MACROD1: variants seen among roughly 807,000 people sequenced by gnomAD.
MACROD1 encodes the protein ADP-ribose glycohydrolase MACROD1.
In MACROD1, 31 loss-of-function variants were observed where a neutral mutation model predicts 41.4. That is an observed-to-expected ratio of 0.75 (90% CI 0.56 to 1.01). MACROD1 has a LOEUF of 1.01. Ranked by LOEUF, MACROD1 falls within the 50% of genes least tolerant of loss-of-function variation. The pLI, the probability that MACROD1 is intolerant of heterozygous loss-of-function variation, is 0.00. For missense variants in MACROD1, 473 were observed against 460.0 expected (o/e 1.03, Z -0.26); for synonymous variants, 252 against 203.4 (o/e 1.24, Z -2.03).
chr11:63,999,075 G>A (rs764933416), intron 8 of MACROD1, 39 bp from the exon 9 acceptor site: 64 of 1,551,862 alleles, frequency 4.1e-5, no homozygotes, highest in Non-Finnish European at 5.3e-5. Context: ...GAGCTGCCAC[G>A]CCTGGCCCCA....
intron 4 of MACROD1, chr11:64,001,581 C>T: frequency 5.7e-6 from 4 of 702,276 alleles, no homozygotes; most frequent in East Asian, 2.7e-5. Context: ...AATTAAACCT[C>T]ATTCTGCAAC....
At chr11:64,019,838 C>T (rs759359241) in intron 3 of MACROD1, among the ~76,000 whole-genome samples, 1 of 151,912 alleles carries the variant, frequency 6.6e-6, no homozygotes, top group Non-Finnish European at 1.5e-5. Context: ...GAAGGCTTCT[C>T]GGAGGAGGTG....
At chr11:64,051,322 G>A (rs543180622) in intron 3 of MACROD1, among the ~76,000 whole-genome samples, 23 of 152,304 alleles carry the variant, frequency 1.5e-4, no homozygotes, top group African/African-American at 2.9e-4. Flanking sequence ...CTGCCTTGAC[G>A]GCCCTCTGGG....
At chr11:64,006,063 G>A (rs772815979) in intron 4 of MACROD1, among the ~76,000 whole-genome samples, 11 of 152,218 alleles carry the variant, frequency 7.2e-5, no homozygotes, top group Non-Finnish European at 1.5e-4. Flanking sequence ...CAAGGCTCCC[G>A]GGGAAATGGG....
At chr11:64,116,878 G>T in intron 3 of MACROD1, 1 of 1,611,758 alleles carries the variant, frequency 6.2e-7, no homozygotes, top group Non-Finnish European at 8.5e-7. Flanking sequence ...GAGGAGCTGC[G>T]GCTGGATGAC....
chr11:64,049,623 G>T (rs1391397444), intron 3 of MACROD1, among the ~76,000 whole-genome samples: 1 of 152,222 alleles, frequency 6.6e-6, no homozygotes, highest in Non-Finnish European at 1.5e-5. Flanking sequence ...CATCCTGATG[G>T]TTCAGGGTTG....
At position 64,056,453 on chromosome 11, in the gene MACROD1, G is replaced by A. The variant is rs540981122; in HGVS notation, c.518-41172C>T. 2.6e-5 allele frequency among the ~76,000 whole-genome samples: 4 copies of A among 152,326 alleles called. No individual in the cohort carries two copies. In the East Asian group the frequency reaches 5.8e-4, roughly 22 times the overall value. On this transcript the variant is annotated intron_variant, in intron 3 of 10. Coordinates refer to ENST00000255681, the MANE Select transcript of MACROD1 (RefSeq NM_014067.4). ...TGAGGGGAGGAGGGTGGGGAGGAAG[G>A]GGGAGCAGCTGCGGGAACAGGAGGC...
chr11:64,078,564 G>A lies in MACROD1; in HGVS notation c.518-63283C>T, dbSNP rs565398703. ...TGTCTGGGTGGGCAGTGGTGTGAGCGCGGCCCTGTGCCCCACAGGGTCCCA... is the reference window on the plus strand; with the variant it reads ...TGTCTGGGTGGGCAGTGGTGTGAGCACGGCCCTGTGCCCCACAGGGTCCCA... On this transcript the variant is annotated intron_variant, in intron 3 of 10. Transcript: ENST00000255681. Among the ~76,000 whole-genome samples, 49 of 152,318 alleles carry A rather than the reference G, an allele frequency of 3.2e-4. 1 individual carries two copies. The highest frequency in any genetic ancestry group is 3.4e-3 in the Middle Eastern group (1 of 294).
intron 3 of MACROD1, among the ~76,000 whole-genome samples, chr11:64,078,389 C>T (rs146099815): frequency 6.6e-5 from 10 of 152,346 alleles, no homozygotes; most frequent in South Asian, 4.1e-4. Context: ...GGGGGCTGAA[C>T]GGCTGCAGAA....
At chr11:64,000,405 C>T (rs1942802941) in intron 4 of MACROD1, 62 bp from the exon 5 acceptor site, 2 of 1,139,192 alleles carry the variant, frequency 1.8e-6, no homozygotes, top group Non-Finnish European at 1.2e-6. Context: ...GGGTGAGCAC[C>T]CTCAGTCCCG....
At chr11:64,023,440 C>T (rs369991722) in intron 3 of MACROD1, among the ~76,000 whole-genome samples, 8 of 152,208 alleles carry the variant, frequency 5.3e-5, no homozygotes, top group South Asian at 4.1e-4. Flanking sequence ...TAAAAATGCC[C>T]GTAAAACCTA....
At position 64,015,253 on chromosome 11, in the gene MACROD1, G is replaced by A. The variant is rs748880790; in HGVS notation, c.546C>T (p.Gly182=). The part of the protein sequence containing the change: ...AANSSLLGGG[G]VDGCIHRAAG... ...CACCAAGACAGAAGGTCCACTCACC[G>A]CCACCGCCTCCGAGCAGGGAGCTGT... is the stretch of plus-strand genomic sequence containing the variant. The change falls in exon 4 of 11, where the codon GGC becomes GGT. Residue 182 remains glycine (G), a splice_region_variant and synonymous_variant. Transcript: ENST00000255681. 1.2e-5 allele frequency: 20 copies of A among 1,603,470 alleles called. No individual in the cohort carries two copies. Among genetic ancestry groups the A allele is most frequent in the South Asian group, 7.9e-5 (7 of 89,018 alleles).
At chr11:64,072,542 T>C (rs908447163) in intron 3 of MACROD1, among the ~76,000 whole-genome samples, 5 of 152,146 alleles carry the variant, frequency 3.3e-5, no homozygotes, top group African/African-American at 1.2e-4. Flanking sequence ...CAGAAACTAA[T>C]AACATAGCAG....
chr11:64,145,159 A>G (rs1443315665), intron 3 of MACROD1, among the ~76,000 whole-genome samples: 2 of 152,212 alleles, frequency 1.3e-5, no homozygotes, highest in Admixed American at 6.5e-5. Flanking sequence ...AAGGAGATAG[A>G]GCGCCACTTC....
chr11:64,146,083 T>C lies in MACROD1; in HGVS notation c.517+5156A>G, dbSNP rs1336221835. On this transcript the variant is annotated intron_variant, in intron 3 of 10. Coordinates refer to ENST00000255681, the MANE Select transcript of MACROD1 (RefSeq NM_014067.4). The surrounding 1 kb of genome is among the most constrained non-coding windows in gnomAD (Gnocchi z 4.7). The stretch of plus-strand genomic sequence containing the variant: ...CCGTGCCTGGCCAAGAATGGGGATC[T>C]TTCTTTGTGCCCGGACATGTCCTGC... Among the ~76,000 whole-genome samples, 1 of 152,182 alleles carries C rather than the reference T, an allele frequency of 6.6e-6. No homozygotes were observed. The highest frequency in any genetic ancestry group is 2.4e-5 in the African/African-American group (1 of 41,450).
chr11:64,061,294 G>A (rs552306930), intron 3 of MACROD1, among the ~76,000 whole-genome samples: 1 of 152,300 alleles, frequency 6.6e-6, no homozygotes, highest in Admixed American at 6.5e-5. Context: ...TCCGCGCGCC[G>A]ACTTTGCAGC....
At chr11:64,133,516 C>A (rs531698952) in intron 3 of MACROD1, among the ~76,000 whole-genome samples, 7 of 152,244 alleles carry the variant, frequency 4.6e-5, no homozygotes, top group African/African-American at 1.4e-4. Flanking sequence ...CTCCCTTGAT[C>A]TCCTCCTAAA....
intron 3 of MACROD1, among the ~76,000 whole-genome samples, chr11:64,113,371 T>A (rs528526786): frequency 6.6e-6 from 1 of 152,246 alleles, no homozygotes; most frequent in African/African-American, 2.4e-5. Flanking sequence ...GATGGATGGA[T>A]GGATGGATGG....
At chr11:64,007,366 T>C (rs967163428) in intron 4 of MACROD1, among the ~76,000 whole-genome samples, 2 of 152,010 alleles carry the variant, frequency 1.3e-5, no homozygotes, top group African/African-American at 4.8e-5. Context: ...GTTCAGAGGA[T>C]GAGGTGGCCC....
Sources: allele counts gnomAD v4.1 joint callset (sites outside exome capture counted in the v4.1 genomes callset), GRCh38; gene constraint gnomAD v4.1.1; non-coding constraint Gnocchi (gnomAD v3.1); transcripts MANE v1.5; gene names NCBI Gene and HGNC (gene_info 2026-07-23, HGNC 2026-07-21).